Variants in BCLAF3 observed in about 807,000 individuals in gnomAD.
The protein encoded by BCLAF3 is BCLAF1 and THRAP3 family member 3, also known as transient octamer binding factor 1.
Under a neutral mutation model 51.2 loss-of-function variants are expected in BCLAF3, and 24 were observed. The ratio of observed to expected loss-of-function variants is 0.47; its 90% CI spans 0.34 to 0.66. BCLAF3 has a LOEUF of 0.66. Ranked by LOEUF, BCLAF3 falls within the 30% of genes least tolerant of loss-of-function variation. The pLI is 0.01. For synonymous variants in BCLAF3, 152 were observed against 176.6 expected, an observed-to-expected ratio of 0.86 and a Z score of 1.10; for missense variants, 465 against 525.1, an observed-to-expected ratio of 0.89 and a Z score of 1.12.
At chrX:19,939,526 T>C (rs1364897231) in intron 8 of BCLAF3, among the ~76,000 whole-genome samples, 2 of 111,963 alleles carry the variant, frequency 1.8e-5, no homozygotes, top group East Asian at 5.5e-4. Context: ...TCAACATCAT[T>C]AGTCATTAGA....
chrX:19,940,985 T>C (rs2071013080), intron 8 of BCLAF3, among the ~76,000 whole-genome samples: 1 of 110,883 alleles, frequency 9.0e-6, no homozygotes, highest in African/African-American at 3.3e-5. Context: ...ATATGATATC[T>C]CATAGTGGTT....
chrX:19,935,158 T>C (rs2070709352), intron 10 of BCLAF3, among the ~76,000 whole-genome samples: 1 of 104,687 alleles, frequency 9.6e-6, no homozygotes, highest in South Asian at 4.4e-4. Flanking sequence ...CACTCCAGCC[T>C]GGGCGACAGA....
In BCLAF3 at chrX:19,966,494, C is replaced by G; in HGVS notation, c.197G>C (p.Arg66Pro). Residue 66 changes from arginine (R) to proline (P), a missense_variant, in exon 3 of 12, where the codon CGT becomes CCT. Transcript: ENST00000379682. ...ATAAGACTGGTAATATATATTTCCACGAGAGGGAATCCTTGGTTTACTCTG... is the reference window on the plus strand; with the variant it reads ...ATAAGACTGGTAATATATATTTCCAGGAGAGGGAATCCTTGGTTTACTCTG... Reference protein sequence around the residue: ...HGQSKPRIPSRGNIYYQSYEH... With the variant: ...HGQSKPRIPSPGNIYYQSYEH... The G allele has an allele frequency of 4.1e-6, 5 of 1,211,352 alleles. No homozygotes were observed. The highest frequency in any genetic ancestry group is 5.6e-6 in the Non-Finnish European group (5 of 895,400).
At position 19,949,502 on chromosome X, in the gene BCLAF3, A is replaced by G. The variant is rs144269780; in HGVS notation, c.1745+1251T>C. Among the ~76,000 whole-genome samples the G allele has an allele frequency of 8.1e-3, 907 of 112,050 alleles. 12 individuals carry two copies. Among genetic ancestry groups the G allele is most frequent in the African/African-American group, 0.028 (869 of 30,869 alleles). Reference sequence around the variant, plus strand: ...GGTACTGGGTTTCTTACACTTGTTGAGTCAAGAAAAGCATGATAGAGAGCT... The same window carrying G: ...GGTACTGGGTTTCTTACACTTGTTGGGTCAAGAAAAGCATGATAGAGAGCT... On this transcript the variant is annotated intron_variant, in intron 8 of 11. Transcript: ENST00000379682.
chrX:19,935,330 G>A (rs2070718702), intron 10 of BCLAF3: 1 of 115,029 alleles, frequency 8.7e-6, no homozygotes, highest in South Asian at 3.4e-4. Context: ...TAATTAGAGT[G>A]TGATAAAATA....
At chrX:19,925,772 G>C (rs779965502) in intron 11 of BCLAF3, among the ~76,000 whole-genome samples, 2 of 111,916 alleles carry the variant, frequency 1.8e-5, no homozygotes, top group South Asian at 7.5e-4. Context: ...AAGGCACGAA[G>C]GCCTGAGATA....
At chrX:19,934,291 T>C (rs1261737886) in intron 10 of BCLAF3, among the ~76,000 whole-genome samples, 3 of 112,211 alleles carry the variant, frequency 2.7e-5, no homozygotes, top group African/African-American at 6.5e-5. Flanking sequence ...CTTATGATGC[T>C]GTTAGAAAAA....
rs1176209008 is a variant in BCLAF3, at chrX:19,990,919, GCCC to G, written c.-49_-47del. Among the ~76,000 whole-genome samples, 5 of 63,657 alleles carry G rather than the reference GCCC, an allele frequency of 7.9e-5. 1 individual carries two copies. The highest frequency in any genetic ancestry group is 3.7e-4 in the Admixed American group (2 of 5,413). The allele number at this position is 63,657 out of a possible 115,157, so 55.3% of individuals were successfully genotyped here. ...CCCGAGCCGCTCACCCGGCCGGGAA[GCCC>G]CCGCCGCCGCCGCCGCCGCCGCCGC... On this transcript the variant is annotated 5_prime_UTR_variant, in exon 1 of 12. Transcript: ENST00000379682.
At chrX:19,982,549 TCA>T (rs60433883) in intron 1 of BCLAF3, among the ~76,000 whole-genome samples, 3,585 of 96,778 alleles carry the variant, frequency 0.037, 65 homozygotes, top group South Asian at 0.086. Flanking sequence ...AGATGCAATT[TCA>T]CACACACACA....
intron 10 of BCLAF3, 197 bp from the exon 11 acceptor site, chrX:19,930,137 C>G (rs2070492600): frequency 6.8e-6 from 2 of 293,132 alleles, no homozygotes; most frequent in Non-Finnish European, 1.2e-5. Flanking sequence ...ATGGTGAAAC[C>G]CCGTCTCTAC....
intron 11 of BCLAF3, among the ~76,000 whole-genome samples, chrX:19,919,307 T>C (rs1363407275): frequency 8.9e-6 from 1 of 111,995 alleles, no homozygotes; most frequent in African/African-American, 3.2e-5. Flanking sequence ...GCATTAACCA[T>C]CTGTGAAGTT....
intron 3 of BCLAF3, 137 bp from the exon 4 acceptor site, chrX:19,965,843 A>G (rs754437939): frequency 3.7e-5 from 25 of 681,465 alleles, no homozygotes; most frequent in African/African-American, 4.4e-5. Flanking sequence ...AGCCAATTCT[A>G]TAGGCACAAG....
At chrX:19,984,072 CAA>C (rs1168246147) in intron 1 of BCLAF3, among the ~76,000 whole-genome samples, 2 of 15,424 alleles carry the variant, frequency 1.3e-4, no homozygotes, top group African/African-American at 2.5e-4. Context: ...GACTCCATCT[CAA>C]AAAAAAAAAA....
intron 10 of BCLAF3, among the ~76,000 whole-genome samples, chrX:19,931,395 G>A (rs1021245262): frequency 1.8e-5 from 2 of 111,664 alleles, no homozygotes; most frequent in Non-Finnish European, 3.8e-5. Context: ...TGGTGCAAAG[G>A]TTCATAGATG....
At chrX:19,937,940 T>C (rs975445822) in intron 8 of BCLAF3, among the ~76,000 whole-genome samples, 2 of 111,784 alleles carry the variant, frequency 1.8e-5, no homozygotes, top group Admixed American at 1.9e-4. Context: ...GAAGCACCAA[T>C]GGCTCATGAC....
intron 8 of BCLAF3, among the ~76,000 whole-genome samples, chrX:19,938,474 C>T (rs1206212825): frequency 1.8e-5 from 2 of 112,278 alleles, no homozygotes; most frequent in Non-Finnish European, 3.8e-5. Context: ...CGGCTCATTG[C>T]AACCTGCACC....
chrX:19,990,971 CCGG>C lies in BCLAF3; in HGVS notation c.-101_-99del, dbSNP rs1315479169. ...GCCGCCGCCGCCGCCGCCGCCGCCG[CCGG>C]CCCCTCGGGCCTCGCCCCTCACTCT... On this transcript the variant is annotated 5_prime_UTR_variant, in exon 1 of 12. Coordinates refer to ENST00000379682, the MANE Select transcript of BCLAF3 (RefSeq NM_001367774.2). 7.9e-5 allele frequency among the ~76,000 whole-genome samples: 8 copies of C among 100,787 alleles called. No homozygotes were observed. Among genetic ancestry groups the C allele is most frequent in the African/African-American group, 1.5e-4 (4 of 26,554 alleles). The allele number at this position is 100,787 out of a possible 115,157, so 87.5% of individuals were successfully genotyped here. A position where few individuals can be genotyped will look rare whatever the true frequency, so the allele number is the denominator to read the frequency against.
At chrX:19,920,197 G>A (rs1474333343) in intron 11 of BCLAF3, among the ~76,000 whole-genome samples, 3 of 112,041 alleles carry the variant, frequency 2.7e-5, no homozygotes, top group African/African-American at 9.7e-5. Flanking sequence ...ACAACTCATT[G>A]ATGAGGAAAT....
intron 6 of BCLAF3, 96 bp downstream of exon 6, chrX:19,953,682 C>T: frequency 1.7e-6 from 1 of 578,672 alleles, no homozygotes; most frequent in South Asian, 3.7e-5. Flanking sequence ...TACAGCAAGC[C>T]CAAGTGAGCA....
Sources: gnomAD v4.1 joint callset for allele counts (sites outside exome capture counted in the v4.1 genomes callset) on GRCh38, gnomAD v4.1.1 for gene constraint, MANE v1.5 for transcripts, NCBI Gene and HGNC (gene_info 2026-07-23, HGNC 2026-07-21) for gene names.